Variants in ATXN1 observed in about 807,000 individuals in gnomAD.
ATXN1 encodes ataxin 1, also known as ataxin-1.
In ATXN1, 8 loss-of-function variants were observed where a neutral mutation model predicts 56.4. The observed-to-expected ratio is 0.14, with a 90% CI of 0.08 to 0.26. The LOEUF is 0.26. Ranked by LOEUF, ATXN1 falls within the 10% of genes least tolerant of loss-of-function variation. The pLI, the probability that ATXN1 is intolerant of heterozygous loss-of-function variation, is 1.00. For synonymous variants in ATXN1, 514 were observed against 494.6 expected (o/e 1.04, Z -0.52); for missense variants, 987 against 1,106.5 (o/e 0.89, Z 1.53).
intron 6 of ATXN1, among the ~76,000 whole-genome samples, chr6:16,416,091 C>A (rs76596897): frequency 9.7e-3 from 1,057 of 109,434 alleles, no homozygotes; most frequent in East Asian, 0.024. Context: ...ACCAAGCTTT[C>A]AAAAAAAAAA....
rs551881679 is a variant in ATXN1 at position 16,361,312 on chromosome 6, T to C, written c.-160-32842A>G. 3.0e-4 allele frequency among the ~76,000 whole-genome samples: 45 copies of C among 152,364 alleles called. No individual in the cohort carries two copies. The East Asian group carries it at 8.5e-3, about 29-fold the overall frequency. ...TAATGTTTCCTTCACATTCTGTTTC[T>C]GAAACAGGATTCAAGCAGGACATTG... On this transcript the variant is annotated intron_variant, in intron 6 of 7. Transcript: ENST00000436367.
chr6:16,445,124 T>G (rs1704026820), intron 6 of ATXN1, among the ~76,000 whole-genome samples: 1 of 152,182 alleles, frequency 6.6e-6, no homozygotes, highest in Non-Finnish European at 1.5e-5. Context: ...TTGGTTCAAA[T>G]AAACTATTAA....
intron 6 of ATXN1, among the ~76,000 whole-genome samples, chr6:16,455,350 C>T (rs972992902): frequency 6.6e-6 from 1 of 152,166 alleles, no homozygotes; most frequent in African/African-American, 2.4e-5. Flanking sequence ...CACTAGGGAA[C>T]TGTGAATTAA....
At chr6:16,307,926 C>T (rs146094409) in intron 7 of ATXN1, among the ~76,000 whole-genome samples, 2,948 of 151,966 alleles carry the variant, frequency 0.019, 101 homozygotes, top group African/African-American at 0.066. Context: ...GGCCAAGGCG[C>T]GTGGATCACC....
intron 6 of ATXN1, among the ~76,000 whole-genome samples, chr6:16,475,022 T>C (rs974563471): frequency 6.6e-6 from 1 of 152,212 alleles, no homozygotes; most frequent in East Asian, 1.9e-4. Flanking sequence ...TGTATTTTAA[T>C]GTTTTACTTT....
chr6:16,713,958 G>C (rs937100611), intron 2 of ATXN1, among the ~76,000 whole-genome samples: 2 of 152,128 alleles, frequency 1.3e-5, no homozygotes, highest in African/African-American at 4.8e-5. Flanking sequence ...AGAAGTTTGA[G>C]ACCAGCCTGG....
intron 2 of ATXN1, among the ~76,000 whole-genome samples, chr6:16,673,897 G>A (rs1038587881): frequency 1.2e-4 from 19 of 152,218 alleles, no homozygotes; most frequent in African/African-American, 3.9e-4. Flanking sequence ...CATTTGGGAC[G>A]ATCAAAAAGT....
intron 6 of ATXN1, among the ~76,000 whole-genome samples, chr6:16,451,239 G>A (rs1012461615): frequency 6.6e-6 from 1 of 152,194 alleles, no homozygotes; most frequent in Non-Finnish European, 1.5e-5. Context: ...ATGCCCAGGT[G>A]GGTGGATCAC....
At chr6:16,718,598 A>G (rs1759683897) in intron 2 of ATXN1, among the ~76,000 whole-genome samples, 1 of 152,250 alleles carries the variant, frequency 6.6e-6, no homozygotes, top group Non-Finnish European at 1.5e-5. Context: ...GTTGAGTTAC[A>G]CCATCCAACT....
At chr6:16,581,218 T>C (rs1413296161) in intron 4 of ATXN1, among the ~76,000 whole-genome samples, 50 of 137,324 alleles carry the variant, frequency 3.6e-4, no homozygotes, top group African/African-American at 1.5e-3. Flanking sequence ...TGTGTGTGTG[T>C]GTGTGTGCGC....
At chr6:16,526,357 C>A (rs1435357889) in intron 4 of ATXN1, among the ~76,000 whole-genome samples, 1 of 152,012 alleles carries the variant, frequency 6.6e-6, no homozygotes, top group African/African-American at 2.4e-5. Context: ...GAAAGGCAGG[C>A]TGAATAAATA....
intron 6 of ATXN1, among the ~76,000 whole-genome samples, chr6:16,403,261 G>A (rs953154723): frequency 2.6e-5 from 4 of 152,106 alleles, no homozygotes; most frequent in Non-Finnish European, 4.4e-5. Context: ...ACAAACACAC[G>A]GGCAAGAGGT....
At chr6:16,389,453 G>A (rs1758308975) in intron 6 of ATXN1, among the ~76,000 whole-genome samples, 1 of 152,006 alleles carries the variant, frequency 6.6e-6, no homozygotes, top group Admixed American at 6.5e-5. Context: ...GACAGATATT[G>A]CATTTACTGT....
In ATXN1 at chr6:16,761,277, GA is replaced by G. The variant is rs761027169; in HGVS notation, c.-730+20del. ...GGGAGGGGGGAAAGAATCGGAGGAG[GA>G]AAAAAAAATAGTCACTTACTGTAAA... On this transcript the variant is annotated intron_variant, in intron 1 of 7. Transcript: ENST00000436367. 142 of 431,406 alleles carry G rather than the reference GA, an allele frequency of 3.3e-4. No homozygotes were observed. The highest frequency in any genetic ancestry group is 5.4e-4 in the African/African-American group (26 of 47,936). 26.7% of individuals were successfully genotyped at this position (431,406 alleles called of 1,614,324 possible).
Position 16,625,914 on chromosome 6 carries a change from G to A in ATXN1, c.-489+31862C>T, listed in dbSNP as rs117449542. Among the ~76,000 whole-genome samples, 84 of 152,204 alleles carry A rather than the reference G, an allele frequency of 5.5e-4. No individual in the cohort carries two copies. In the East Asian group the frequency reaches 0.013, roughly 24 times the overall value. On this transcript the variant is annotated intron_variant, in intron 3 of 7. Coordinates refer to ENST00000436367, the MANE Select transcript of ATXN1 (RefSeq NM_001128164.2). ...TGATCCCCTTGAGTGGCAATTGACCGGCTGACACTGAGGCAAACTTGCCAC... is the reference window on the plus strand; with the variant it reads ...TGATCCCCTTGAGTGGCAATTGACCAGCTGACACTGAGGCAAACTTGCCAC...
At chr6:16,625,087 A>G (rs1763384731) in intron 3 of ATXN1, among the ~76,000 whole-genome samples, 1 of 152,230 alleles carries the variant, frequency 6.6e-6, no homozygotes, top group African/African-American at 2.4e-5. Context: ...CTTTGATGCC[A>G]TCCTTATGCC....
intron 6 of ATXN1, among the ~76,000 whole-genome samples, chr6:16,341,572 G>A (rs529152610): frequency 1.4e-5 from 2 of 141,936 alleles, no homozygotes; most frequent in Non-Finnish European, 3.0e-5. Flanking sequence ...AGGCTGGAAT[G>A]CAGTGGCGTG....
At chr6:16,620,358 A>T (rs1276310311) in intron 3 of ATXN1, among the ~76,000 whole-genome samples, 1 of 151,678 alleles carries the variant, frequency 6.6e-6, no homozygotes, top group African/African-American at 2.4e-5. Context: ...TTTATCTAGC[A>T]TTCAATTCTC....
chr6:16,529,433 T>C (rs550440988), intron 4 of ATXN1, among the ~76,000 whole-genome samples: 17 of 152,212 alleles, frequency 1.1e-4, no homozygotes, highest in Non-Finnish European at 1.5e-5. Context: ...GCCACAAGCA[T>C]GCAATCAACA....
Sources: gnomAD v4.1 joint callset for allele counts (sites outside exome capture counted in the v4.1 genomes callset) on GRCh38, gnomAD v4.1.1 for gene constraint, MANE v1.5 for transcripts, NCBI Gene and HGNC (gene_info 2026-07-23, HGNC 2026-07-21) for gene names.